The following PPIL3 variants were observed in gnomAD, a reference collection of about 807,000 sequenced individuals.
PPIL3 encodes the protein peptidyl-prolyl cis-trans isomerase-like 3.
A neutral mutation model predicts 20.9 loss-of-function variants in PPIL3; 13 were observed. The observed-to-expected ratio is 0.62, with a 90% CI of 0.40 to 0.99. The LOEUF is 0.99. Among genes scored for constraint, PPIL3 ranks in the 50% least tolerant of loss-of-function variants. The pLI is 0.00. For missense variants in PPIL3, 170 were observed against 195.2 expected (o/e 0.87, Z 0.77); for synonymous variants, 71 against 64.4 (o/e 1.10, Z -0.49).
chr2:200,877,888 T>C (rs956939924), intron 5 of PPIL3, among the ~76,000 whole-genome samples: 3 of 152,230 alleles, frequency 2.0e-5, no homozygotes, highest in African/African-American at 7.2e-5. Context: ...ACTATCATGA[T>C]AGTATTTGTT....
At chr2:200,872,496 A>T (rs1229737982) in intron 6 of PPIL3, among the ~76,000 whole-genome samples, 1 of 152,138 alleles carries the variant, frequency 6.6e-6, no homozygotes, top group Non-Finnish European at 1.5e-5. Context: ...AGAGGTCAAG[A>T]ATAGGAGGTC....
chr2:200,872,345 A>G (rs2039336262), intron 6 of PPIL3, among the ~76,000 whole-genome samples: 1 of 152,130 alleles, frequency 6.6e-6, no homozygotes, highest in Non-Finnish European at 1.5e-5. Flanking sequence ...TTACCCTCTT[A>G]GTATCTACTT....
chr2:200,879,696 C>T (rs932729165), intron 5 of PPIL3, among the ~76,000 whole-genome samples: 2 of 152,050 alleles, frequency 1.3e-5, no homozygotes, highest in East Asian at 1.9e-4. Flanking sequence ...TAGCTGGGCA[C>T]GGTGGTGCAC....
chr2:200,871,917 C>T (rs750047649), intron 6 of PPIL3, among the ~76,000 whole-genome samples: 6 of 152,122 alleles, frequency 3.9e-5, no homozygotes, highest in Non-Finnish European at 5.9e-5. Flanking sequence ...CTCTGGGTAT[C>T]CCACAACTTG....
Position 200,883,112 on chromosome 2 carries a change from C to CTTTTT in PPIL3, c.79-682_79-678dup, listed in dbSNP as rs1289951586. ...CTGAGATTTCTATATCTGGAATGTT[C>CTTTTT]TTTTTTTTTTTTTTTTTTTTTTGTA... On this transcript the variant is annotated intron_variant, in intron 3 of 6. Transcript: ENST00000392283. 1.2e-3 allele frequency among the ~76,000 whole-genome samples: 134 copies of CTTTTT among 108,770 alleles called. 1 individual carries two copies. The highest frequency in any genetic ancestry group is 1.5e-3 in the Non-Finnish European group (83 of 54,364). 71.4% of individuals were successfully genotyped at this position (108,770 alleles called of 152,430 possible).
intron 3 of PPIL3, chr2:200,885,348 G>C (rs1312960655): frequency 2.8e-6 from 1 of 360,864 alleles, no homozygotes; most frequent in Non-Finnish European, 4.9e-6. Context: ...TCCAGCCTGG[G>C]GGACACAGCG....
chr2:200,879,309 C>T (rs1456768553), intron 5 of PPIL3, among the ~76,000 whole-genome samples: 2 of 151,670 alleles, frequency 1.3e-5, no homozygotes, highest in African/African-American at 4.8e-5. Context: ...TTGGCAGAGA[C>T]GGGGTTTCAC....
At chr2:200,887,962 C>T (rs931194650) in intron 1 of PPIL3, among the ~76,000 whole-genome samples, 10 of 149,316 alleles carry the variant, frequency 6.7e-5, no homozygotes, top group Non-Finnish European at 1.5e-4. Flanking sequence ...CAGGCTGCGG[C>T]AGGAGAATCA....
chr2:200,880,621 A>G (rs1452928615), intron 5 of PPIL3, among the ~76,000 whole-genome samples: 1 of 152,024 alleles, frequency 6.6e-6, no homozygotes, highest in African/African-American at 2.4e-5. Context: ...CTTGGCCTCA[A>G]GCAATCCTCC....
chr2:200,884,004 A>G (rs2039833122), intron 3 of PPIL3, among the ~76,000 whole-genome samples: 2 of 152,160 alleles, frequency 1.3e-5, no homozygotes, highest in South Asian at 4.1e-4. Flanking sequence ...AGCTCACCTT[A>G]GCCTCCCAAA....
chr2:200,880,081 T>C (rs1033471811), intron 5 of PPIL3, among the ~76,000 whole-genome samples: 11 of 151,932 alleles, frequency 7.2e-5, no homozygotes, highest in Admixed American at 3.9e-4. Context: ...ACACCATCTG[T>C]ACAAAAAATA....
intron 3 of PPIL3, among the ~76,000 whole-genome samples, chr2:200,883,608 A>C (rs889753781): frequency 6.6e-6 from 1 of 152,070 alleles, no homozygotes; most frequent in African/African-American, 2.4e-5. Context: ...AAAAAAATAA[A>C]TAAATGAAAA....
chr2:200,874,167 T>A (rs1008835892), intron 6 of PPIL3, among the ~76,000 whole-genome samples: 1 of 142,982 alleles, frequency 7.0e-6, no homozygotes, highest in African/African-American at 2.7e-5. Flanking sequence ...ATGGCGCCAC[T>A]GCATTCCAGC....
chr2:200,876,733 G>A (rs2039531662), intron 6 of PPIL3, among the ~76,000 whole-genome samples, 186 bp downstream of exon 6: 1 of 152,030 alleles, frequency 6.6e-6, no homozygotes, highest in African/African-American at 2.4e-5. Context: ...ACATTGGCCA[G>A]GCTGGTCTCG....
intron 6 of PPIL3, among the ~76,000 whole-genome samples, chr2:200,874,567 T>C (rs1171588478): frequency 6.6e-6 from 1 of 152,200 alleles, no homozygotes; most frequent in Non-Finnish European, 1.5e-5. Context: ...CTAAGGTTAA[T>C]CTTTGTTCTA....
chr2:200,883,112 CTT>C (rs1289951586), intron 3 of PPIL3, among the ~76,000 whole-genome samples: 3 of 108,820 alleles, frequency 2.8e-5, no homozygotes, highest in African/African-American at 7.2e-5. Flanking sequence ...CTGGAATGTT[CTT>C]TTTTTTTTTT....
At chr2:200,876,820 G>T in intron 6 of PPIL3, 99 bp downstream of exon 6, 1 of 951,354 alleles carries the variant, frequency 1.1e-6, no homozygotes, top group Non-Finnish European at 1.7e-6. Flanking sequence ...ACTGCGCTCG[G>T]CCTCACTCTT....
At chr2:200,873,902 T>G (rs1484931248) in intron 6 of PPIL3, among the ~76,000 whole-genome samples, 1 of 151,816 alleles carries the variant, frequency 6.6e-6, no homozygotes, top group Non-Finnish European at 1.5e-5. Context: ...GGTATGTACT[T>G]TAAAAAATTA....
intron 3 of PPIL3, 69 bp downstream of exon 3, chr2:200,885,629 A>C: frequency 1.0e-6 from 1 of 996,536 alleles, no homozygotes; most frequent in Non-Finnish European, 1.6e-6. Context: ...TTTAGGTTAG[A>C]TTATTCAATT....
Sources: allele counts gnomAD v4.1 joint callset (sites outside exome capture counted in the v4.1 genomes callset), GRCh38; gene constraint gnomAD v4.1.1; transcripts MANE v1.5; gene names NCBI Gene and HGNC (gene_info 2026-07-23, HGNC 2026-07-21).